Variants in GPHN observed in about 807,000 individuals in gnomAD.
GPHN encodes gephyrin.
A neutral mutation model predicts 95.5 loss-of-function variants in GPHN; 17 were observed. That is an observed-to-expected ratio of 0.18 (90% CI 0.12 to 0.27). GPHN has a LOEUF of 0.27. Among genes scored for constraint, GPHN ranks in the 10% least tolerant of loss-of-function variants. The pLI is 1.00. For missense variants in GPHN, 660 were observed against 978.1 expected, an observed-to-expected ratio of 0.67 and a Z score of 4.34; for synonymous variants, 320 against 322.5, an observed-to-expected ratio of 0.99 and a Z score of 0.08.
At chr14:67,325,566 C>T in the GPHN span, among the ~76,000 whole-genome samples, 7 of 152,038 alleles carry the variant, frequency 4.6e-5, no homozygotes, top group African/African-American at 1.4e-4. Flanking sequence ...ACAAGAGAAA[C>T]GAGATTAATA....
At chr14:66,698,193 A>G (rs1414079779) in intron 2 of GPHN, among the ~76,000 whole-genome samples, 1 of 152,170 alleles carries the variant, frequency 6.6e-6, no homozygotes, top group Non-Finnish European at 1.5e-5. Context: ...TACATTTTGA[A>G]AAGGGATATG....
At chr14:67,278,721 G>A in the GPHN span, among the ~76,000 whole-genome samples, 1 of 152,226 alleles carries the variant, frequency 6.6e-6, no homozygotes, top group East Asian at 1.9e-4. Flanking sequence ...TACCAAACTA[G>A]TACCCCAAAC....
intron 9 of GPHN, among the ~76,000 whole-genome samples, chr14:66,989,677 A>G (rs1255907327): frequency 6.7e-6 from 1 of 149,938 alleles, no homozygotes; most frequent in Admixed American, 6.6e-5. Flanking sequence ...AAAAAAACCT[A>G]TCCAAAGGCA....
chr14:66,648,512 G>T (rs1461903873), intron 1 of GPHN, among the ~76,000 whole-genome samples: 1 of 152,096 alleles, frequency 6.6e-6, no homozygotes, highest in Non-Finnish European at 1.5e-5. Context: ...TGTATTTTCT[G>T]TGTTTAGATA....
At chr14:66,568,369 T>C (rs751466727) in intron 1 of GPHN, among the ~76,000 whole-genome samples, 2 of 152,206 alleles carry the variant, frequency 1.3e-5, no homozygotes, top group Non-Finnish European at 2.9e-5. Flanking sequence ...TTTCCTGTTA[T>C]GGCATTTTAG....
At chr14:67,631,775 A>G in the GPHN span, among the ~76,000 whole-genome samples, 2 of 152,044 alleles carry the variant, frequency 1.3e-5, no homozygotes, top group Non-Finnish European at 2.9e-5. Context: ...CAGTGTTCTC[A>G]GGATTCTGTC....
the GPHN span, chr14:67,571,289 A>G: frequency 6.2e-6 from 1 of 161,942 alleles, no homozygotes; most frequent in Non-Finnish European, 1.4e-5. Flanking sequence ...CCTTCTAAAA[A>G]TGCCTTACAC....
chr14:67,623,670 T>C, the GPHN span, among the ~76,000 whole-genome samples: 79 of 150,926 alleles, frequency 5.2e-4, 1 homozygote, highest in Admixed American at 5.1e-3. Flanking sequence ...ACCTCCAAAG[T>C]AGCTGGGATT....
At chr14:66,981,715 A>G (rs1435309373) in intron 9 of GPHN, among the ~76,000 whole-genome samples, 1 of 152,178 alleles carries the variant, frequency 6.6e-6, no homozygotes, top group Non-Finnish European at 1.5e-5. Context: ...GCACAAACAA[A>G]CAGAAAGAAA....
At chr14:67,499,218 G>C in the GPHN span, among the ~76,000 whole-genome samples, 7 of 151,994 alleles carry the variant, frequency 4.6e-5, no homozygotes, top group South Asian at 1.4e-3. Flanking sequence ...TGCTCAGGCT[G>C]GTCTCAAACT....
intron 4 of GPHN, among the ~76,000 whole-genome samples, chr14:66,840,970 GATA>G (rs2062052230): frequency 2.5e-5 from 3 of 121,296 alleles, no homozygotes; most frequent in Non-Finnish European, 5.0e-5. Flanking sequence ...AAGCCTACTA[GATA>G]GATATAGATA....
At chr14:67,622,386 T>G in the GPHN span, among the ~76,000 whole-genome samples, 1 of 152,206 alleles carries the variant, frequency 6.6e-6, no homozygotes, top group East Asian at 1.9e-4. Flanking sequence ...GAAACAGCCT[T>G]GAGTTGAGGT....
chr14:66,923,710 A>G (rs2066335759), intron 7 of GPHN, among the ~76,000 whole-genome samples: 1 of 152,178 alleles, frequency 6.6e-6, no homozygotes, highest in Admixed American at 6.5e-5. Context: ...CATTAAGAGC[A>G]TAAAGATTGA....
the GPHN span, chr14:67,724,413 G>GT: frequency 8.4e-5 from 71 of 840,654 alleles, no homozygotes; most frequent in African/African-American, 9.6e-4. Context: ...TTTTTTTAAC[G>GT]TATCTTAGTG....
At chr14:66,759,976 C>T (rs1192454311) in intron 2 of GPHN, among the ~76,000 whole-genome samples, 1 of 151,968 alleles carries the variant, frequency 6.6e-6, no homozygotes, top group Non-Finnish European at 1.5e-5. Context: ...AATCACAGGC[C>T]TCTGTTTAAA....
intron 2 of GPHN, among the ~76,000 whole-genome samples, chr14:66,752,017 C>T (rs1326961950): frequency 6.6e-6 from 1 of 152,068 alleles, no homozygotes; most frequent in Non-Finnish European, 1.5e-5. Context: ...GCTGCTTTAC[C>T]TCGTATGTTT....
the GPHN span, chr14:67,574,104 G>A: frequency 9.4e-3 from 7,043 of 747,980 alleles, 174 homozygotes; most frequent in African/African-American, 0.074. The surrounding 1 kb of genome is among the most constrained non-coding windows in gnomAD (Gnocchi z 4.2). Flanking sequence ...AAGATGAGGA[G>A]GAAAAGAAAG....
chr14:67,635,037 G>A, the GPHN span, among the ~76,000 whole-genome samples: 1 of 152,108 alleles, frequency 6.6e-6, no homozygotes, highest in African/African-American at 2.4e-5. Flanking sequence ...CTGAGGCCAG[G>A]GGTTTGAGAC....
chr14:66,943,768 G>A (rs2067568205), intron 8 of GPHN, among the ~76,000 whole-genome samples: 1 of 151,926 alleles, frequency 6.6e-6, no homozygotes, highest in Admixed American at 6.6e-5. Context: ...TAAACAGACA[G>A]GCAAAAGAAA....
Sources: allele counts gnomAD v4.1 joint callset (sites outside exome capture counted in the v4.1 genomes callset), GRCh38; gene constraint gnomAD v4.1.1; non-coding constraint Gnocchi (gnomAD v3.1); transcripts MANE v1.5; gene names NCBI Gene and HGNC (gene_info 2026-07-23, HGNC 2026-07-21).